Variants in MAP3K1 observed in about 807,000 individuals in gnomAD.
MAP3K1 encodes mitogen-activated protein kinase kinase kinase 1, also known as MAP/ERK kinase kinase 1.
MAP3K1 carries 36 observed loss-of-function variants against 144.2 expected under a neutral mutation model. The observed-to-expected ratio is 0.25, with a 90% confidence interval of 0.19 to 0.33. The LOEUF is 0.33. Among genes scored for constraint, MAP3K1 ranks in the 10% least tolerant of loss-of-function variants. MAP3K1 has a pLI of 1.00. For synonymous variants in MAP3K1, 718 were observed against 688.7 expected (o/e 1.04, Z -0.67); for missense variants, 1,650 against 1,881.9 (o/e 0.88, Z 2.28).
intron 3 of MAP3K1, chr5:56,862,116 CTG>C (rs1319305394): frequency 1.3e-5 from 2 of 152,182 alleles, no homozygotes; most frequent in African/African-American, 4.8e-5. Flanking sequence ...TGGCTTATCT[CTG>C]TTCCTTGTGA....
chr5:56,837,891 G>A (rs1009947917), intron 1 of MAP3K1, among the ~76,000 whole-genome samples: 6 of 152,198 alleles, frequency 3.9e-5, no homozygotes. Context: ...GACGTGGCCA[G>A]TGGGGGAGGC....
intron 6 of MAP3K1, among the ~76,000 whole-genome samples, chr5:56,871,260 G>A (rs1444575812): frequency 1.3e-5 from 2 of 151,910 alleles, no homozygotes; most frequent in Non-Finnish European, 2.9e-5. Flanking sequence ...AATTTGTTTA[G>A]CCTCTTTTTG....
At position 56,875,276 on chromosome 5, in the gene MAP3K1, C is replaced by T. The variant is rs1307960120; in HGVS notation, c.1931C>T (p.Ala644Val). The T allele has an allele frequency of 1.2e-6, 2 of 1,614,136 alleles. No individual in the cohort carries two copies. The highest frequency in any genetic ancestry group is 2.2e-5 in the South Asian group (2 of 91,084). The change falls in exon 10 of 20, where the codon GCT (alanine) becomes GTT (valine). Residue 644 changes from alanine to valine, a missense_variant. Physicochemically the swap from Ala to Val is moderately conservative, Grantham distance 64 (BLOSUM62 0). Coordinates refer to ENST00000399503, the MANE Select transcript of MAP3K1 (RefSeq NM_005921.2). ...TGCAGCGTTCTGTCAATGGTCTGTG[C>T]TGACCCTGTCTACAAAGTGTACGTT... is the stretch of plus-strand genomic sequence containing the variant. ...ACCSVLSMVC[A>V]DPVYKVYVAA...
chr5:56,866,139 A>T (rs1228146715), intron 6 of MAP3K1, among the ~76,000 whole-genome samples, 162 bp downstream of exon 6: 1 of 152,194 alleles, frequency 6.6e-6, no homozygotes. Context: ...TTCGCTGGGC[A>T]TGGTGGCTCG....
chr5:56,841,333 T>C (rs1371952185), intron 1 of MAP3K1, among the ~76,000 whole-genome samples: 4 of 152,182 alleles, frequency 2.6e-5, no homozygotes. Flanking sequence ...TAGAGTCTTA[T>C]ACATAATACG....
chr5:56,872,137 T>A, intron 7 of MAP3K1, 106 bp downstream of exon 7: 2 of 1,440,462 alleles, frequency 1.4e-6, no homozygotes, highest in African/African-American at 1.4e-5. Flanking sequence ...GGTGAGAGAA[T>A]AAAAAAAGTA....
intron 1 of MAP3K1, among the ~76,000 whole-genome samples, chr5:56,855,264 C>T (rs528409547): frequency 5.0e-4 from 76 of 151,968 alleles, no homozygotes; most frequent in Non-Finnish European, 9.3e-4. Flanking sequence ...TAAAAAGCAG[C>T]CAAGCACATA....
At chr5:56,859,598 A>C in intron 2 of MAP3K1, 117 bp from the exon 3 acceptor site, 1 of 711,858 alleles carries the variant, frequency 1.4e-6, no homozygotes, top group Non-Finnish European at 2.4e-6. Context: ...TGTCTGGTAT[A>C]CTGGTATAAT....
intron 1 of MAP3K1, among the ~76,000 whole-genome samples, chr5:56,853,196 T>C (rs1009903816): frequency 2.0e-5 from 3 of 152,216 alleles, no homozygotes; most frequent in Non-Finnish European, 4.4e-5. Flanking sequence ...TAATAACTTT[T>C]GATTGCAAGA....
In MAP3K1 at chr5:56,829,021, C is replaced by T. The variant is rs1746402906; in HGVS notation, c.482+12966C>T. On this transcript the variant is annotated intron_variant, in intron 1 of 19. Coordinates refer to ENST00000399503, the MANE Select transcript of MAP3K1 (RefSeq NM_005921.2). ...TGACAGCTACTAGAAAATGCAACTG[C>T]ATTTCACTATTCTATTATTTTGGGC... is the stretch of plus-strand genomic sequence containing the variant. 3.3e-5 allele frequency among the ~76,000 whole-genome samples: 5 copies of T among 152,158 alleles called. No individual in the cohort carries two copies. In the South Asian group the frequency reaches 1.0e-3, roughly 32 times the overall value.
At chr5:56,827,728 G>T (rs921037829) in intron 1 of MAP3K1, among the ~76,000 whole-genome samples, 1 of 152,190 alleles carries the variant, frequency 6.6e-6, no homozygotes, top group Admixed American at 6.5e-5. Context: ...GCCGGGCTTG[G>T]TGGTGTGTGC....
At chr5:56,820,791 C>G (rs1488938012) in intron 1 of MAP3K1, 1 of 985,204 alleles carries the variant, frequency 1.0e-6, no homozygotes, top group African/African-American at 1.7e-5. Flanking sequence ...AGAAAAAGAT[C>G]ATGAGTGCAC....
At chr5:56,848,256 TCTTC>T (rs953056606) in intron 1 of MAP3K1, among the ~76,000 whole-genome samples, 7 of 152,242 alleles carry the variant, frequency 4.6e-5, no homozygotes, top group Non-Finnish European at 1.0e-4. Flanking sequence ...TTTCGAATAT[TCTTC>T]CTTTTCTCAT....
intron 19 of MAP3K1, among the ~76,000 whole-genome samples, chr5:56,890,151 T>G (rs1748505952): frequency 6.6e-6 from 1 of 152,186 alleles, no homozygotes; most frequent in Non-Finnish European, 1.5e-5. Context: ...AAACTAATTC[T>G]CCTTGAGGTC....
intron 19 of MAP3K1, 58 bp from the exon 20 acceptor site, chr5:56,893,473 G>A: frequency 6.4e-7 from 1 of 1,570,802 alleles, no homozygotes; most frequent in South Asian, 1.1e-5. Context: ...ATGCACATGT[G>A]TTTCTGTATC....
rs1175054319 is a variant in MAP3K1, at chr5:56,885,176, T to G, written c.3982+350T>G. Reference sequence around the variant, plus strand: ...TAACATAACAATATACAAACAAAATTAACATATAACTTGAAAACTTACTAC... The same window carrying G: ...TAACATAACAATATACAAACAAAATGAACATATAACTTGAAAACTTACTAC... On this transcript the variant is annotated intron_variant, in intron 16 of 19. Transcript: ENST00000399503. 2.6e-5 allele frequency among the ~76,000 whole-genome samples: 4 copies of G among 152,194 alleles called. No homozygotes were observed. The East Asian group carries it at 7.7e-4, about 29-fold the overall frequency.
chr5:56,838,034 TTTGC>T, intron 1 of MAP3K1, among the ~76,000 whole-genome samples: 1 of 152,342 alleles, frequency 6.6e-6, no homozygotes, highest in East Asian at 1.9e-4. Flanking sequence ...ATTTTTATTT[TTTGC>T]TTCTTCTGTA....
intron 6 of MAP3K1, among the ~76,000 whole-genome samples, chr5:56,871,014 T>A (rs551258159): frequency 1.3e-5 from 2 of 152,346 alleles, no homozygotes; most frequent in South Asian, 2.1e-4. Flanking sequence ...TATTATTTTT[T>A]ATTCCAATTG....
intron 15 of MAP3K1, 76 bp from the exon 16 acceptor site, chr5:56,884,588 G>A: frequency 7.1e-7 from 1 of 1,400,648 alleles, no homozygotes; most frequent in Non-Finnish European, 1.0e-6. Flanking sequence ...TAAAGTGCTA[G>A]TTTGCATTTG....
Sources: allele counts gnomAD v4.1 joint callset (sites outside exome capture counted in the v4.1 genomes callset), GRCh38; gene constraint gnomAD v4.1.1; transcripts MANE v1.5; gene names NCBI Gene and HGNC (gene_info 2026-07-23, HGNC 2026-07-21).